DOCK7: variants seen among roughly 807,000 people sequenced by gnomAD.
DOCK7 encodes dedicator of cytokinesis protein 7.
Under a neutral mutation model 271.0 loss-of-function variants are expected in DOCK7, and 138 were observed. That is an observed-to-expected ratio of 0.51 (90% confidence interval 0.44 to 0.59). The LOEUF is 0.59. Ranked by LOEUF, DOCK7 falls within the 20% of genes least tolerant of loss-of-function variation. The pLI, the probability that DOCK7 is intolerant of heterozygous loss-of-function variation, is 0.00. For missense variants in DOCK7, 2,066 were observed against 2,592.4 expected (o/e 0.80, Z 4.41); for synonymous variants, 823 against 876.1 (o/e 0.94, Z 1.07).
At chr1:62,458,529 G>A (rs930922578) in intron 48 of DOCK7, 8 of 103,312 alleles carry the variant, frequency 7.7e-5, no homozygotes, top group African/African-American at 2.1e-4. Flanking sequence ...TTTCTTAATA[G>A]GTTTTGTTTT....
intron 4 of DOCK7, among the ~76,000 whole-genome samples, chr1:62,651,686 T>C (rs1047997789): frequency 1.3e-5 from 2 of 152,088 alleles, no homozygotes; most frequent in African/African-American, 4.8e-5. Context: ...TAAAATACCT[T>C]TCACATTTCT....
At chr1:62,688,097 G>T (rs1293017761) in intron 1 of DOCK7, 130 bp downstream of exon 1, 1 of 1,128,298 alleles carries the variant, frequency 8.9e-7, no homozygotes, top group Non-Finnish European at 1.1e-6. Flanking sequence ...CTTCCGCCCC[G>T]CCGCGAGCCA....
intron 15 of DOCK7, chr1:62,584,619 G>T: frequency 7.8e-7 from 1 of 1,274,166 alleles, no homozygotes; most frequent in Non-Finnish European, 9.9e-7. Flanking sequence ...TTCCTTTTTT[G>T]ACCATTTGAC....
chr1:62,553,348 ATATATATTTTTTTTTTTTTTTTTTTTTT>A (rs1646010908), intron 21 of DOCK7, among the ~76,000 whole-genome samples: 1 of 22,622 alleles, frequency 4.4e-5, no homozygotes, highest in African/African-American at 2.1e-4. Context: ...ATATATATAT[ATATATATTTTTTTTTTTTTTTTTTTTTT>A]TTTTTTTTTA....
chr1:62,618,154 A>C (rs1414435585), intron 14 of DOCK7, among the ~76,000 whole-genome samples: 1 of 152,144 alleles, frequency 6.6e-6, no homozygotes. Flanking sequence ...TGGCACCCCC[A>C]GAGTTATGTA....
At chr1:62,625,109 T>TA (rs1390907991) in intron 12 of DOCK7, 150 bp downstream of exon 12, 4 of 571,274 alleles carry the variant, frequency 7.0e-6, no homozygotes, top group Non-Finnish European at 1.1e-5. Flanking sequence ...TTCTCATTCT[T>TA]ATAGTTGCTT....
Position 62,510,540 on chromosome 1 carries a change from A to G in DOCK7, c.4379+37T>C, listed in dbSNP as rs1218668205. 15 of 1,487,868 alleles carry G rather than the reference A, an allele frequency of 1.0e-5. No individual in the cohort carries two copies. The Admixed American group carries it at 2.9e-4, about 29-fold the overall frequency. 92.2% of individuals were successfully genotyped at this position (1,487,868 alleles called of 1,614,324 possible). A position where few individuals can be genotyped will look rare whatever the true frequency, so the allele number is the denominator to read the frequency against. The stretch of plus-strand genomic sequence containing the variant: ...TTCCTCTTACATTTTAAAATTCAAC[A>G]CACCCATCAGTAACATAAAATAGAA... On this transcript the variant is annotated intron_variant, in intron 34 of 49. Coordinates refer to ENST00000635253, the MANE Select transcript of DOCK7 (RefSeq NM_001367561.1).
At chr1:62,578,738 A>C (rs906758412) in intron 17 of DOCK7, 90 bp downstream of exon 17, 25 of 1,056,086 alleles carry the variant, frequency 2.4e-5, no homozygotes, top group Middle Eastern at 3.6e-4. Flanking sequence ...AAAAAAAAAA[A>C]ACCCACAAAT....
At chr1:62,526,181 T>A (rs1280479835) in intron 31 of DOCK7, among the ~76,000 whole-genome samples, 1 of 152,132 alleles carries the variant, frequency 6.6e-6, no homozygotes, top group Non-Finnish European at 1.5e-5. Flanking sequence ...GCTCAAGCAA[T>A]CCTCCCACCT....
rs114839845 is a variant in DOCK7 at position 62,538,966 on chromosome 1, A to G, written c.3300+579T>C. Among the ~76,000 whole-genome samples the G allele has an allele frequency of 5.2e-3, 793 of 152,324 alleles. 6 individuals are homozygous for G. Among genetic ancestry groups the G allele is most frequent in the South Asian group, 0.019 (92 of 4,822 alleles). On this transcript the variant is annotated intron_variant, in intron 27 of 49. Transcript: ENST00000635253. ...CTACCAAAGTGGCCCAGCAGAACCAATAACTAATGTTTTCTAGAAGGCAGA... is the reference window on the plus strand; with the variant it reads ...CTACCAAAGTGGCCCAGCAGAACCAGTAACTAATGTTTTCTAGAAGGCAGA...
intron 1 of DOCK7, among the ~76,000 whole-genome samples, chr1:62,675,519 A>G (rs1330797989): frequency 6.6e-6 from 1 of 152,160 alleles, no homozygotes; most frequent in Non-Finnish European, 1.5e-5. Flanking sequence ...GCGATGGCTC[A>G]CTCCGGTAAT....
chr1:62,561,823 T>C (rs1016885437), intron 18 of DOCK7, 120 bp from the exon 19 acceptor site: 27 of 516,910 alleles, frequency 5.2e-5, no homozygotes, highest in Non-Finnish European at 8.1e-5. Context: ...TTATTCACTG[T>C]AAATAAATTA....
At chr1:62,600,409 T>A (rs1017080754) in intron 14 of DOCK7, among the ~76,000 whole-genome samples, 4 of 151,824 alleles carry the variant, frequency 2.6e-5, no homozygotes, top group African/African-American at 2.4e-5. Flanking sequence ...CTAGGAAATA[T>A]CATTCATGCC....
intron 18 of DOCK7, among the ~76,000 whole-genome samples, chr1:62,569,650 G>A (rs1646700699): frequency 6.6e-6 from 1 of 151,600 alleles, no homozygotes. Context: ...GGCAAAAGCT[G>A]AAAACATTCC....
At chr1:62,563,591 T>C (rs1461406780) in intron 18 of DOCK7, among the ~76,000 whole-genome samples, 3 of 152,078 alleles carry the variant, frequency 2.0e-5, no homozygotes, top group South Asian at 2.1e-4. Flanking sequence ...TTTTTTATCA[T>C]GTATAGAAAA....
intron 36 of DOCK7, among the ~76,000 whole-genome samples, chr1:62,505,251 TAA>T (rs1486002898): frequency 6.6e-6 from 1 of 152,192 alleles, no homozygotes; most frequent in Non-Finnish European, 1.5e-5. Flanking sequence ...AGTAAACATT[TAA>T]AGCAGTTGAA....
At chr1:62,529,548 G>T (rs878871469) in intron 29 of DOCK7, 102 bp from the exon 30 acceptor site, 2 of 872,568 alleles carry the variant, frequency 2.3e-6, no homozygotes, top group Non-Finnish European at 3.2e-6. Context: ...AATAAATTTT[G>T]TTCAATTTCT....
chr1:62,644,800 G>C (rs1656442984), intron 7 of DOCK7, among the ~76,000 whole-genome samples: 1 of 152,118 alleles, frequency 6.6e-6, no homozygotes, highest in Non-Finnish European at 1.5e-5. Flanking sequence ...GTGACCTCAA[G>C]TTCTTCCTCA....
At chr1:62,519,876 A>G (rs1175871509) in intron 31 of DOCK7, among the ~76,000 whole-genome samples, 1 of 152,204 alleles carries the variant, frequency 6.6e-6, no homozygotes, top group Non-Finnish European at 1.5e-5. Context: ...ACAGTAACCA[A>G]AACAGCAGGT....
Sources: gnomAD v4.1 joint callset for allele counts (sites outside exome capture counted in the v4.1 genomes callset) on GRCh38, gnomAD v4.1.1 for gene constraint, MANE v1.5 for transcripts, NCBI Gene and HGNC (gene_info 2026-07-23, HGNC 2026-07-21) for gene names.